EYA2: variants seen among roughly 807,000 people sequenced by gnomAD.
EYA2 encodes the protein protein phosphatase EYA2.
EYA2 carries 31 observed loss-of-function variants against 69.2 expected under a neutral mutation model. The ratio of observed to expected loss-of-function variants is 0.45; its 90% confidence interval spans 0.34 to 0.60. The LOEUF is 0.60. Among genes scored for constraint, EYA2 ranks in the 20% least tolerant of loss-of-function variants. The probability of loss-of-function intolerance (pLI) is 0.02; values close to 1 mark genes in which losing one functional copy is unlikely to be tolerated. For synonymous variants in EYA2, 257 were observed against 279.4 expected (o/e 0.92, Z 0.80); for missense variants, 622 against 701.2 (o/e 0.89, Z 1.28).
intron 8 of EYA2, among the ~76,000 whole-genome samples, chr20:47,095,210 A>T (rs1254275403): frequency 6.6e-6 from 1 of 152,148 alleles, no homozygotes; most frequent in African/African-American, 2.4e-5. Flanking sequence ...AAAAAAAGTT[A>T]TTGGAAATCT....
At chr20:46,916,564 T>C (rs1984915759) in intron 1 of EYA2, among the ~76,000 whole-genome samples, 1 of 152,212 alleles carries the variant, frequency 6.6e-6, no homozygotes. Context: ...AGTGTTTTTC[T>C]TTGGCTCTGG....
intron 5 of EYA2, among the ~76,000 whole-genome samples, chr20:47,051,926 C>G (rs1354579357): frequency 1.3e-5 from 2 of 152,184 alleles, no homozygotes; most frequent in African/African-American, 4.8e-5. Flanking sequence ...GAGCAGATGC[C>G]CAGCAATCAG....
intron 7 of EYA2, among the ~76,000 whole-genome samples, chr20:47,081,778 CAAAA>C (rs199527518): frequency 3.6e-5 from 4 of 110,154 alleles, no homozygotes; most frequent in Non-Finnish European, 1.9e-5. Context: ...GACCTTGTCT[CAAAA>C]AAAAAAAAAA....
chr20:47,067,162 T>A (rs559478433), intron 5 of EYA2, among the ~76,000 whole-genome samples: 1 of 152,216 alleles, frequency 6.6e-6, no homozygotes, highest in East Asian at 1.9e-4. Flanking sequence ...CCTGTTTATT[T>A]CCAAACCTGC....
intron 5 of EYA2, 51 bp from the exon 6 acceptor site, chr20:47,072,134 A>AG: frequency 6.5e-7 from 1 of 1,540,946 alleles, no homozygotes; most frequent in Non-Finnish European, 9.0e-7. Context: ...TGCTTTAAAG[A>AG]GAAAAAAAGA....
intron 7 of EYA2, among the ~76,000 whole-genome samples, chr20:47,083,195 T>C (rs1388931960): frequency 2.6e-5 from 4 of 152,004 alleles, no homozygotes; most frequent in Non-Finnish European, 5.9e-5. Flanking sequence ...GTCTCCACAG[T>C]AAATAAATGA....
In EYA2 at chr20:47,089,288, CACAG is replaced by C. The variant is rs765547040; in HGVS notation, c.716_719del (p.Asp239GlyfsTer40). 9 of 1,614,054 alleles carry C rather than the reference CACAG, an allele frequency of 5.6e-6. No homozygotes were observed. The highest frequency in any genetic ancestry group is 1.3e-5 in the African/African-American group (1 of 74,912). ...CTTCCACACCAGCGAAAGAGGGAGACACAGACAGGCCGCACCGGGCCTCCGACGG... is the reference window on the plus strand; with the variant it reads ...CTTCCACACCAGCGAAAGAGGGAGACACAGGCCGCACCGGGCCTCCGACGG... On this transcript the variant is annotated frameshift_variant, in exon 8 of 16. Coordinates refer to ENST00000327619, the MANE Select transcript of EYA2 (RefSeq NM_005244.5). LOFTEE classifies it high-confidence loss of function.
chr20:47,062,136 C>T (rs1306728342), intron 5 of EYA2, among the ~76,000 whole-genome samples: 3 of 152,174 alleles, frequency 2.0e-5, no homozygotes, highest in African/African-American at 4.8e-5. Context: ...CACGTGATGA[C>T]GTGATGAGGA....
At chr20:46,928,697 G>A (rs2225612) in intron 1 of EYA2, among the ~76,000 whole-genome samples, 48,438 of 152,102 alleles carry the variant, frequency 0.32, 8,390 homozygotes, top group South Asian at 0.42. Flanking sequence ...ACACAGTGCC[G>A]GTGTGCAAAA....
intron 9 of EYA2, among the ~76,000 whole-genome samples, chr20:47,115,414 C>CT: frequency 6.6e-6 from 1 of 152,294 alleles, no homozygotes; most frequent in South Asian, 2.1e-4. Flanking sequence ...CTTCATCCTT[C>CT]TTTTTTACTC....
chr20:47,012,180 A>G (rs1983104360), intron 4 of EYA2, among the ~76,000 whole-genome samples: 1 of 152,212 alleles, frequency 6.6e-6, no homozygotes, highest in African/African-American at 2.4e-5. Context: ...TGAAATCCAC[A>G]TGCTCACTTT....
intron 3 of EYA2, among the ~76,000 whole-genome samples, chr20:47,004,431 G>A (rs894515088): frequency 6.6e-6 from 1 of 152,216 alleles, no homozygotes; most frequent in African/African-American, 2.4e-5. Context: ...GATAGGCTAT[G>A]CTACAGTAAT....
At chr20:46,961,325 C>CAAAT (rs967768281) in intron 1 of EYA2, among the ~76,000 whole-genome samples, 4 of 151,914 alleles carry the variant, frequency 2.6e-5, no homozygotes, top group East Asian at 1.9e-4. Flanking sequence ...GACTCTGTCT[C>CAAAT]AAATAAATAA....
At chr20:46,929,503 C>T (rs900683625) in intron 1 of EYA2, among the ~76,000 whole-genome samples, 1 of 151,932 alleles carries the variant, frequency 6.6e-6, no homozygotes, top group South Asian at 2.1e-4. Context: ...AACTTCACAC[C>T]ATTTAGAGCC....
intron 15 of EYA2, among the ~76,000 whole-genome samples, chr20:47,186,900 TGTCC>T (rs1338371118): frequency 6.6e-6 from 1 of 152,188 alleles, no homozygotes; most frequent in Non-Finnish European, 1.5e-5. Flanking sequence ...ATATACAATT[TGTCC>T]TGCATCCTTC....
intron 1 of EYA2, among the ~76,000 whole-genome samples, chr20:46,900,404 T>C (rs1019016945): frequency 6.6e-6 from 1 of 152,178 alleles, no homozygotes; most frequent in African/African-American, 2.4e-5. Context: ...AAAAGACATT[T>C]TAATTTTGTA....
rs537131631 is a variant in EYA2, at chr20:47,142,507, C to G, written c.889-552C>G. 2.0e-3 allele frequency among the ~76,000 whole-genome samples: 307 copies of G among 152,308 alleles called. 1 individual carries two copies. The highest frequency in any genetic ancestry group is 3.5e-3 in the Non-Finnish European group (238 of 68,030). On this transcript the variant is annotated intron_variant, in intron 9 of 15. Coordinates refer to ENST00000327619, the MANE Select transcript of EYA2 (RefSeq NM_005244.5). ...CTAGTTTTCCCTCCTATGAATGTACCATAGTGCCTTTGTGTTTGTGTGTTT... is the reference window on the plus strand; with the variant it reads ...CTAGTTTTCCCTCCTATGAATGTACGATAGTGCCTTTGTGTTTGTGTGTTT...
At chr20:47,089,468 A>C (rs938240429) in intron 8 of EYA2, 87 bp downstream of exon 8, 16 of 1,441,558 alleles carry the variant, frequency 1.1e-5, no homozygotes, top group Non-Finnish European at 1.4e-5. Flanking sequence ...TTCTCCAAGT[A>C]CGAGGCGGAG....
chr20:47,001,622 C>T (rs1982379553), intron 3 of EYA2, 149 bp downstream of exon 3: 1 of 801,286 alleles, frequency 1.2e-6, no homozygotes, highest in Admixed American at 2.2e-5. Flanking sequence ...TTGAGCAAGT[C>T]ACTCCACCTC....
Sources: gnomAD v4.1 joint callset for allele counts (sites outside exome capture counted in the v4.1 genomes callset) on GRCh38, gnomAD v4.1.1 for gene constraint, MANE v1.5 for transcripts, NCBI Gene and HGNC (gene_info 2026-07-23, HGNC 2026-07-21) for gene names.